The following HHAT variants were observed in gnomAD, a reference collection of about 807,000 sequenced individuals.
HHAT encodes the protein protein-cysteine N-palmitoyltransferase HHAT.
In HHAT, 47 loss-of-function variants were observed where a neutral mutation model predicts 70.8. That is an observed-to-expected ratio of 0.66 (90% CI 0.53 to 0.85). The LOEUF is 0.85. Ranked by LOEUF, HHAT falls within the 40% of genes least tolerant of loss-of-function variation. The pLI is 0.00. For missense variants in HHAT, 609 were observed against 604.8 expected (o/e 1.01, Z -0.07); for synonymous variants, 228 against 247.6 (o/e 0.92, Z 0.74).
At chr1:210,377,754 C>G (rs992870946) in intron 3 of HHAT, among the ~76,000 whole-genome samples, 1 of 152,080 alleles carries the variant, frequency 6.6e-6, no homozygotes, top group Non-Finnish European at 1.5e-5. Flanking sequence ...TCCCCTTTAC[C>G]ATTTTACACT....
chr1:210,462,152 A>G (rs2093991820), intron 7 of HHAT, among the ~76,000 whole-genome samples: 2 of 152,262 alleles, frequency 1.3e-5, no homozygotes, highest in African/African-American at 4.8e-5. Context: ...AATACTTGAG[A>G]CATGAAGCAA....
At chr1:210,448,809 G>T (rs2093688296) in intron 7 of HHAT, among the ~76,000 whole-genome samples, 1 of 151,350 alleles carries the variant, frequency 6.6e-6, no homozygotes, top group Non-Finnish European at 1.5e-5. Context: ...GATTTCAGCA[G>T]TGAGGGTCTC....
At chr1:210,512,645 T>G (rs79748667) in intron 8 of HHAT, among the ~76,000 whole-genome samples, 1,597 of 137,756 alleles carry the variant, frequency 0.012, 8 homozygotes, top group Non-Finnish European at 0.018. Context: ...CACTTCAGCC[T>G]GGGTGACAAA....
Position 210,577,210 on chromosome 1 carries a change from C to T in HHAT, c.1044-10688C>T, listed in dbSNP as rs559819971. 6.6e-5 allele frequency among the ~76,000 whole-genome samples: 10 copies of T among 152,010 alleles called. No homozygotes were observed. In the East Asian group the frequency reaches 1.9e-3, roughly 29 times the overall value. ...GTCTGATTACTCTGGCTAGTATTTC[C>T]AATACTATGTTGAAAAGATGTGGTG... On this transcript the variant is annotated intron_variant, in intron 9 of 11. Transcript: ENST00000261458.
intron 10 of HHAT, chr1:210,589,676 A>G (rs1437961624): frequency 1.3e-5 from 2 of 152,258 alleles, no homozygotes. Context: ...TGCTAGTAAT[A>G]ATTTTAGAAA....
At chr1:210,588,169 G>A (rs1048313942) in intron 10 of HHAT, 70 bp downstream of exon 10, 5 of 1,303,020 alleles carry the variant, frequency 3.8e-6, no homozygotes, top group African/African-American at 2.9e-5. Flanking sequence ...TAGGGATGGG[G>A]CCATCAGATT....
chr1:210,471,875 T>C (rs2148461325), intron 8 of HHAT, among the ~76,000 whole-genome samples: 1 of 152,364 alleles, frequency 6.6e-6, no homozygotes, highest in South Asian at 2.1e-4. Flanking sequence ...CAATTTTCAA[T>C]GCATTGTTGT....
intron 10 of HHAT, among the ~76,000 whole-genome samples, chr1:210,620,304 G>A (rs1340562719): frequency 2.0e-5 from 3 of 152,178 alleles, no homozygotes; most frequent in Non-Finnish European, 2.9e-5. Context: ...TAAACCAGTA[G>A]CTGAGCCAGG....
chr1:210,521,156 C>A (rs1165758739), intron 9 of HHAT, among the ~76,000 whole-genome samples: 1 of 152,214 alleles, frequency 6.6e-6, no homozygotes, highest in African/African-American at 2.4e-5. Context: ...TCAGTTCATA[C>A]AAATGCCAAC....
intron 11 of HHAT, among the ~76,000 whole-genome samples, chr1:210,635,816 A>G (rs1041867653): frequency 6.6e-6 from 1 of 152,196 alleles, no homozygotes; most frequent in Admixed American, 6.5e-5. Flanking sequence ...AGGATATGCA[A>G]GTGCCAAGGA....
At chr1:210,507,069 G>C (rs1054270776) in intron 8 of HHAT, among the ~76,000 whole-genome samples, 1 of 152,286 alleles carries the variant, frequency 6.6e-6, no homozygotes, top group East Asian at 1.9e-4. Context: ...AAATGAGTCT[G>C]TGGTTGAATA....
chr1:210,394,611 C>T (rs1166274828), intron 4 of HHAT, among the ~76,000 whole-genome samples: 1 of 152,126 alleles, frequency 6.6e-6, no homozygotes, highest in East Asian at 1.9e-4. Context: ...AACCACAGAG[C>T]CGGGTTCTCA....
chr1:210,468,634 A>T (rs1306473846), intron 8 of HHAT, among the ~76,000 whole-genome samples: 1 of 152,168 alleles, frequency 6.6e-6, no homozygotes, highest in Admixed American at 6.5e-5. Context: ...TTAGGTCCCT[A>T]GGTAGAGAGT....
intron 4 of HHAT, among the ~76,000 whole-genome samples, chr1:210,388,703 A>G (rs1161591754): frequency 6.6e-6 from 1 of 152,068 alleles, no homozygotes; most frequent in African/African-American, 2.4e-5. Context: ...AAATATATCT[A>G]CCTCAGCCCT....
intron 7 of HHAT, among the ~76,000 whole-genome samples, chr1:210,459,673 T>G (rs2093940550): frequency 6.6e-6 from 1 of 152,186 alleles, no homozygotes; most frequent in Non-Finnish European, 1.5e-5. Context: ...ACCCCAACTC[T>G]CCTTTTAAAA....
chr1:210,340,592 C>T (rs1486296163), intron 1 of HHAT, among the ~76,000 whole-genome samples: 1 of 152,044 alleles, frequency 6.6e-6, no homozygotes, highest in East Asian at 1.9e-4. Flanking sequence ...GCTGACTTTC[C>T]CCTCTTATTT....
chr1:210,600,539 A>G (rs928277700), intron 10 of HHAT, among the ~76,000 whole-genome samples: 1 of 152,146 alleles, frequency 6.6e-6, no homozygotes, highest in African/African-American at 2.4e-5. Flanking sequence ...TCTTCCTGGT[A>G]GCCTGCTGCT....
At chr1:210,432,520 C>G (rs1031178906) in intron 7 of HHAT, among the ~76,000 whole-genome samples, 1 of 152,008 alleles carries the variant, frequency 6.6e-6, no homozygotes, top group East Asian at 1.9e-4. Context: ...TTTTGGGGGA[C>G]TAAAGACCAG....
chr1:210,585,273 T>G (rs1315404643), intron 9 of HHAT, among the ~76,000 whole-genome samples: 1 of 152,140 alleles, frequency 6.6e-6, no homozygotes, highest in African/African-American at 2.4e-5. Flanking sequence ...GATCAAATAA[T>G]TTATTATCTA....
Sources: allele counts gnomAD v4.1 joint callset (sites outside exome capture counted in the v4.1 genomes callset), GRCh38; gene constraint gnomAD v4.1.1; transcripts MANE v1.5; gene names NCBI Gene and HGNC (gene_info 2026-07-23, HGNC 2026-07-21).